The following ART3 variants were observed in gnomAD, a reference collection of about 807,000 sequenced individuals.
The protein encoded by ART3 is ADP-ribosyltransferase 3 (inactive).
Under a neutral mutation model 48.5 loss-of-function variants are expected in ART3, and 49 were observed. The observed-to-expected ratio is 1.01, with a 90% CI of 0.80 to 1.28. The LOEUF (loss-of-function observed/expected upper bound fraction) is 1.28, where lower values mean the gene tolerates loss of function less well. Ranked by LOEUF, ART3 falls within the 50% of genes most tolerant of loss-of-function variation. The probability of loss-of-function intolerance (pLI) is 0.00; values close to 1 mark genes in which losing one functional copy is unlikely to be tolerated. For missense variants in ART3, 438 were observed against 454.3 expected (o/e 0.96, Z 0.33); for synonymous variants, 145 against 157.2 (o/e 0.92, Z 0.58).
intron 1 of ART3, among the ~76,000 whole-genome samples, chr4:76,040,706 A>G (rs1433196936): frequency 2.6e-5 from 4 of 152,046 alleles, no homozygotes; most frequent in African/African-American, 9.7e-5. Flanking sequence ...CCATGTAGAC[A>G]CATCTTTGTC....
intron 1 of ART3, among the ~76,000 whole-genome samples, chr4:76,063,325 T>G (rs906957000): frequency 1.4e-4 from 21 of 152,090 alleles, no homozygotes; most frequent in African/African-American, 5.1e-4. Flanking sequence ...TTGTTACAAT[T>G]ATAAATAAGC....
At chr4:76,023,535 A>G (rs1560578388) in intron 1 of ART3, 3 of 1,029,918 alleles carry the variant, frequency 2.9e-6, no homozygotes, top group Admixed American at 1.7e-5. Context: ...TTATCTGCAA[A>G]GCCATTTTCC....
intron 1 of ART3, among the ~76,000 whole-genome samples, chr4:76,054,684 A>G (rs1718508984): frequency 1.3e-5 from 2 of 152,072 alleles, no homozygotes; most frequent in South Asian, 2.1e-4. Flanking sequence ...AATTTGAAAA[A>G]TTAGCTGGTT....
intron 1 of ART3, among the ~76,000 whole-genome samples, chr4:76,027,550 G>A (rs1733517473): frequency 7.7e-6 from 1 of 129,102 alleles, no homozygotes; most frequent in South Asian, 2.6e-4. Context: ...TGCCGTGTTA[G>A]GATTCTATAA....
intron 1 of ART3, among the ~76,000 whole-genome samples, chr4:76,066,992 G>A (rs964504266): frequency 6.6e-6 from 1 of 152,162 alleles, no homozygotes; most frequent in African/African-American, 2.4e-5. Context: ...TTGGGCAGTT[G>A]CACCCCTGCC....
intron 1 of ART3, chr4:76,035,104 T>C (rs1183747461): frequency 1.1e-5 from 18 of 1,612,172 alleles, no homozygotes; most frequent in Non-Finnish European, 1.4e-5. Context: ...GTCCTTTATT[T>C]TCTTTCAGGG....
upstream of ART3, among the ~76,000 whole-genome samples, chr4:76,073,240 A>G (rs181164772): frequency 9.8e-5 from 15 of 152,352 alleles, no homozygotes; most frequent in East Asian, 2.3e-3. Context: ...AAAAACTGGA[A>G]CAAAACAGGA....
At chr4:76,044,920 G>A (rs1735351269) in intron 1 of ART3, among the ~76,000 whole-genome samples, 1 of 152,060 alleles carries the variant, frequency 6.6e-6, no homozygotes, top group African/African-American at 2.4e-5. Context: ...TCCAGCGGGG[G>A]TTCCCAGAGG....
intron 9 of ART3, chr4:76,104,325 ACAT>A (rs1727996065): frequency 1.0e-6 from 1 of 981,964 alleles, no homozygotes; most frequent in Non-Finnish European, 1.2e-6. Flanking sequence ...GTCTTGGCTA[ACAT>A]CTCATTGCCT....
In ART3 at chr4:76,099,133, C is replaced by T. The variant is rs764999397; in HGVS notation, c.847+146C>T. On this transcript the variant is annotated intron_variant, in intron 5 of 11. Transcript: ENST00000355810. ...CCTGGGCAACATGGCGGAACCCCAT[C>T]TCTACAAAAAATACAAAACTTAGCC... The T allele has an allele frequency of 2.1e-5, 15 of 717,672 alleles. No homozygotes were observed. In the South Asian group the frequency reaches 2.3e-4, roughly 11 times the overall value. 44.5% of individuals were successfully genotyped at this position (717,672 alleles called of 1,614,324 possible). A position where few individuals can be genotyped will look rare whatever the true frequency, so the allele number is the denominator to read the frequency against.
At chr4:76,073,224 T>A (rs1720501872), upstream of ART3, among the ~76,000 whole-genome samples, 1 of 152,190 alleles carries the variant, frequency 6.6e-6, no homozygotes, top group African/African-American at 2.4e-5. Context: ...TGAAAGAAAT[T>A]TGGTTAAAAA....
chr4:76,056,283 A>G (rs73825720), intron 1 of ART3, among the ~76,000 whole-genome samples: 1,731 of 152,306 alleles, frequency 0.011, 38 homozygotes, highest in African/African-American at 0.039. Context: ...GAAGGATGCC[A>G]GGGATTAGCC....
intron 1 of ART3, chr4:76,023,294 T>C: frequency 8.8e-7 from 1 of 1,131,714 alleles, no homozygotes. Context: ...TACAAATACA[T>C]TATTTCTGTA....
intron 2 of ART3, among the ~76,000 whole-genome samples, chr4:76,077,611 T>C (rs1400296654): frequency 6.6e-5 from 10 of 152,234 alleles, no homozygotes; most frequent in African/African-American, 1.9e-4. Flanking sequence ...AGTTTACTTA[T>C]ATATAGGAAA....
intron 1 of ART3, chr4:76,035,061 T>G: frequency 6.2e-7 from 1 of 1,613,516 alleles, no homozygotes; most frequent in Admixed American, 1.7e-5. Context: ...ATTATAAGCC[T>G]TGCTTGCTTC....
At chr4:76,031,379 A>T (rs989938170) in intron 1 of ART3, among the ~76,000 whole-genome samples, 6 of 152,196 alleles carry the variant, frequency 3.9e-5, no homozygotes, top group African/African-American at 1.4e-4. Context: ...AATTGTAAAG[A>T]TGATATGAGA....
chr4:76,109,974 C>T (rs893910706), intron 11 of ART3, among the ~76,000 whole-genome samples: 2 of 152,138 alleles, frequency 1.3e-5, no homozygotes, highest in South Asian at 2.1e-4. Flanking sequence ...AACGCTTCCC[C>T]GTAGTTCAAA....
At position 76,074,989 on chromosome 4, in the gene ART3, A is replaced by G. The variant is rs1339012397; in HGVS notation, c.-10+170A>G. Among the ~76,000 whole-genome samples the G allele has an allele frequency of 3.9e-5, 6 of 152,330 alleles. No individual in the cohort carries two copies. The East Asian group carries it at 7.7e-4, about 20-fold the overall frequency. On this transcript the variant is annotated intron_variant, in intron 1 of 11. Coordinates refer to ENST00000355810, the MANE Select transcript of ART3 (RefSeq NM_001130016.3). ...ACACAAAGTAGCATGTTGGTACTAT[A>G]TTTTAGTATTTTTAGTAAAAACAAA...
chr4:76,034,785 T>G, intron 1 of ART3: 1 of 1,525,792 alleles, frequency 6.6e-7, no homozygotes, highest in South Asian at 1.1e-5. Context: ...TCATATGTTT[T>G]GATATTTTTA....
Sources: allele counts gnomAD v4.1 joint callset (sites outside exome capture counted in the v4.1 genomes callset), GRCh38; gene constraint gnomAD v4.1.1; transcripts MANE v1.5; gene names NCBI Gene and HGNC (gene_info 2026-07-23, HGNC 2026-07-21).